The following L3MBTL4 variants were observed in gnomAD, a reference collection of about 807,000 sequenced individuals.
L3MBTL4 encodes the protein lethal(3)malignant brain tumor-like protein 4.
A neutral mutation model predicts 84.5 loss-of-function variants in L3MBTL4; 70 were observed. The observed-to-expected ratio is 0.83, with a 90% CI of 0.68 to 1.01. The LOEUF (loss-of-function observed/expected upper bound fraction) is 1.01. Among genes scored for constraint, L3MBTL4 ranks in the 50% least tolerant of loss-of-function variants. The probability of loss-of-function intolerance (pLI) is 0.00; values close to 1 mark genes in which losing one functional copy is unlikely to be tolerated. For synonymous variants in L3MBTL4, 274 were observed against 259.8 expected (o/e 1.05, Z -0.52); for missense variants, 715 against 754.8 (o/e 0.95, Z 0.62).
At position 6,239,681 on chromosome 18, in the gene L3MBTL4, T is replaced by G. The variant is rs370330793; in HGVS notation, c.707+37A>C. ...AAACAAATTCTTAACATCAAACATA[T>G]GAATACACAAAAATAAAACACACAT... On this transcript the variant is annotated intron_variant, in intron 9 of 18. Transcript: ENST00000317931. 5.0e-6 allele frequency: 8 copies of G among 1,599,050 alleles called. No individual in the cohort carries two copies. The South Asian group carries it at 6.6e-5, about 13-fold the overall frequency.
At chr18:6,291,585 A>G (rs1332507901) in intron 4 of L3MBTL4, among the ~76,000 whole-genome samples, 1 of 152,190 alleles carries the variant, frequency 6.6e-6, no homozygotes, top group Non-Finnish European at 1.5e-5. Context: ...TGCACCAAGA[A>G]CATACAATGG....
intron 16 of L3MBTL4, chr18:6,031,119 A>G: frequency 1.0e-6 from 1 of 985,464 alleles, no homozygotes; most frequent in Non-Finnish European, 1.2e-6. Flanking sequence ...GAGAAAAGCC[A>G]CACGTGATCC....
At chr18:6,066,419 T>A (rs2057400802) in intron 16 of L3MBTL4, among the ~76,000 whole-genome samples, 1 of 152,162 alleles carries the variant, frequency 6.6e-6, no homozygotes, top group Non-Finnish European at 1.5e-5. Flanking sequence ...TGAGTTTCTG[T>A]CTTGATGATC....
At chr18:6,177,095 T>G (rs779144544) in intron 12 of L3MBTL4, among the ~76,000 whole-genome samples, 2 of 152,196 alleles carry the variant, frequency 1.3e-5, no homozygotes, top group African/African-American at 4.8e-5. Flanking sequence ...TTAAAGAAGC[T>G]TAAACCGTGT....
At chr18:6,054,167 G>A (rs2056931954) in intron 16 of L3MBTL4, among the ~76,000 whole-genome samples, 1 of 152,068 alleles carries the variant, frequency 6.6e-6, no homozygotes, top group Admixed American at 6.5e-5. Context: ...ATCTTAGTAT[G>A]CGAAACTGAT....
intron 5 of L3MBTL4, among the ~76,000 whole-genome samples, chr18:6,262,387 G>A: frequency 6.6e-6 from 1 of 152,150 alleles, no homozygotes; most frequent in East Asian, 1.9e-4. Flanking sequence ...AACACAGCAG[G>A]CACTGCCGGG....
At chr18:6,014,112 C>T (rs2054855194) in intron 16 of L3MBTL4, among the ~76,000 whole-genome samples, 1 of 152,146 alleles carries the variant, frequency 6.6e-6, no homozygotes. Flanking sequence ...AAATGAAAAT[C>T]AATTCTTTCT....
At chr18:6,159,664 G>A (rs1028485462) in intron 13 of L3MBTL4, among the ~76,000 whole-genome samples, 1 of 152,136 alleles carries the variant, frequency 6.6e-6, no homozygotes, top group African/African-American at 2.4e-5. Context: ...ATGCCACATG[G>A]CTCTCCCTGA....
chr18:6,091,833 A>C lies in L3MBTL4; in HGVS notation c.1373+1522T>G, dbSNP rs566341774. Among the ~76,000 whole-genome samples, 259 of 152,360 alleles carry C rather than the reference A, an allele frequency of 1.7e-3. 7 individuals are homozygous for C. In the South Asian group the frequency reaches 0.053, roughly 31 times the overall value. On this transcript the variant is annotated intron_variant, in intron 15 of 18. Coordinates refer to ENST00000317931, the MANE Select transcript of L3MBTL4 (RefSeq NM_001330559.2). ...ACTGACTAGGTTTTTATTTGAAAAA[A>C]TACAACAGATTATAGCAAAAAGATT...
At chr18:6,178,002 A>G (rs1216846864) in intron 12 of L3MBTL4, among the ~76,000 whole-genome samples, 1 of 152,186 alleles carries the variant, frequency 6.6e-6, no homozygotes, top group Non-Finnish European at 1.5e-5. Flanking sequence ...CAAATACCCC[A>G]GCAAGGTCCT....
Position 6,171,332 on chromosome 18 carries a change from C to T in L3MBTL4, c.1096+496G>A, listed in dbSNP as rs528611858. ...AAAATTTAGAGAGGTTAATTTCCTCCTTAACTTTAAGTAGCTAGAAAGTCA... is the reference window on the plus strand; with the variant it reads ...AAAATTTAGAGAGGTTAATTTCCTCTTTAACTTTAAGTAGCTAGAAAGTCA... On this transcript the variant is annotated intron_variant, in intron 13 of 18. Transcript: ENST00000317931. Among the ~76,000 whole-genome samples, 8 of 152,222 alleles carry T rather than the reference C, an allele frequency of 5.3e-5. No homozygotes were observed. In the South Asian group the frequency reaches 1.7e-3, roughly 32 times the overall value.
Position 6,365,410 on chromosome 18 carries a change from A to G in L3MBTL4, c.-91+49391T>C, listed in dbSNP as rs1004347752. 4.1e-4 allele frequency among the ~76,000 whole-genome samples: 62 copies of G among 152,218 alleles called. 1 individual carries two copies. The highest frequency in any genetic ancestry group is 1.5e-3 in the African/African-American group (62 of 41,456). On this transcript the variant is annotated intron_variant, in intron 1 of 18. Transcript: ENST00000317931. ...AAGAAGAAATAAAAGTAGGTTAACC[A>G]TAATTGCACATGATAATGCTCTAAC...
At chr18:5,981,007 CA>C (rs1360408398) in intron 16 of L3MBTL4, among the ~76,000 whole-genome samples, 1 of 152,186 alleles carries the variant, frequency 6.6e-6, no homozygotes, top group African/African-American at 2.4e-5. Context: ...TCTGTGCCCA[CA>C]CCAAATTTCC....
At chr18:6,362,713 TACA>T (rs1331432174) in intron 1 of L3MBTL4, among the ~76,000 whole-genome samples, 1 of 152,206 alleles carries the variant, frequency 6.6e-6, no homozygotes, top group African/African-American at 2.4e-5. Flanking sequence ...CCTGGTAACT[TACA>T]ACATCTTAGT....
intron 16 of L3MBTL4, among the ~76,000 whole-genome samples, chr18:6,023,570 C>T (rs545841985): frequency 5.3e-5 from 8 of 152,220 alleles, no homozygotes; most frequent in African/African-American, 9.6e-5. Flanking sequence ...CCAAGTACCC[C>T]GTTTTGATAA....
At chr18:5,989,323 T>A (rs969042730) in intron 16 of L3MBTL4, among the ~76,000 whole-genome samples, 1 of 152,188 alleles carries the variant, frequency 6.6e-6, no homozygotes, top group African/African-American at 2.4e-5. Flanking sequence ...ACCTCTGAAC[T>A]AGCACAATAT....
At position 5,981,439 on chromosome 18, in the gene L3MBTL4, C is replaced by T. The variant is rs190870296; in HGVS notation, c.1445-11877G>A. Reference sequence around the variant, plus strand: ...ATGAAAAAAGAAACAATGAATGACACTAACTTTTAAGAAGACTGAAGTGAG... The same window carrying T: ...ATGAAAAAAGAAACAATGAATGACATTAACTTTTAAGAAGACTGAAGTGAG... On this transcript the variant is annotated intron_variant, in intron 16 of 18. Transcript: ENST00000317931. Among the ~76,000 whole-genome samples, 503 of 152,200 alleles carry T rather than the reference C, an allele frequency of 3.3e-3. 3 individuals are homozygous for T. The highest frequency in any genetic ancestry group is 0.012 in the African/African-American group (489 of 41,524).
chr18:6,020,212 G>C (rs980114286), intron 16 of L3MBTL4, among the ~76,000 whole-genome samples: 1 of 152,118 alleles, frequency 6.6e-6, no homozygotes, highest in East Asian at 1.9e-4. Context: ...TGGAGGGAGG[G>C]GGAGCTAGGA....
intron 14 of L3MBTL4, among the ~76,000 whole-genome samples, chr18:6,118,371 G>T (rs1374792302): frequency 6.6e-6 from 1 of 151,974 alleles, no homozygotes; most frequent in Non-Finnish European, 1.5e-5. Flanking sequence ...TCCTCAACTG[G>T]ATCCAGAGAT....
Sources: gnomAD v4.1 joint callset for allele counts (sites outside exome capture counted in the v4.1 genomes callset) on GRCh38, gnomAD v4.1.1 for gene constraint, MANE v1.5 for transcripts, NCBI Gene and HGNC (gene_info 2026-07-23, HGNC 2026-07-21) for gene names.